The following UNC13C variants were observed in gnomAD, a reference collection of about 807,000 sequenced individuals.
UNC13C encodes the protein protein unc-13 homolog C.
A neutral mutation model predicts 245.4 loss-of-function variants in UNC13C; 174 were observed. That is an observed-to-expected ratio of 0.71 (90% confidence interval 0.63 to 0.80). The LOEUF (loss-of-function observed/expected upper bound fraction) is 0.80. UNC13C is among the 30% of genes least tolerant of loss of function. The pLI is 0.00. For missense variants in UNC13C, 2,829 were observed against 2,602.9 expected, an observed-to-expected ratio of 1.09 and a Z score of -1.89; for synonymous variants, 992 against 895.1, an observed-to-expected ratio of 1.11 and a Z score of -1.93.
intron 4 of UNC13C, among the ~76,000 whole-genome samples, chr15:54,195,530 C>A (rs777289727): frequency 7.2e-5 from 11 of 152,206 alleles, no homozygotes; most frequent in Non-Finnish European, 1.6e-4. Flanking sequence ...GAAGCAGCGC[C>A]TTTTGCACCA....
chr15:54,564,304 A>C (rs752152474), intron 29 of UNC13C, among the ~76,000 whole-genome samples: 4 of 152,020 alleles, frequency 2.6e-5, no homozygotes, highest in Non-Finnish European at 5.9e-5. Context: ...CGGAATAACA[A>C]GTAAAACTCT....
At position 54,620,507 on chromosome 15, in the gene UNC13C, A is replaced by G. The variant is rs115701326; in HGVS notation, c.6107-1820A>G. On this transcript the variant is annotated intron_variant, in intron 30 of 32. Transcript: ENST00000260323. ...CTTTGGGATCTCCCAATCCAGGTTC[A>G]TACTGTATTAGTTACTCGTGCTGCG... 6.8e-3 allele frequency among the ~76,000 whole-genome samples: 1,036 copies of G among 152,278 alleles called. 14 individuals are homozygous for G. The highest frequency in any genetic ancestry group is 0.024 in the African/African-American group (991 of 41,568).
intron 2 of UNC13C, among the ~76,000 whole-genome samples, chr15:54,038,118 A>T (rs866209403): frequency 0.027 from 786 of 28,626 alleles, 6 homozygotes; most frequent in Non-Finnish European, 0.036. Flanking sequence ...ATATATATAT[A>T]TATATATTTT....
At chr15:53,873,854 C>CCT in the UNC13C span, among the ~76,000 whole-genome samples, 25 of 131,410 alleles carry the variant, frequency 1.9e-4, no homozygotes, top group Admixed American at 3.1e-4. Flanking sequence ...AGCATCTATC[C>CCT]CTCTCTCTCT....
chr15:53,882,960 T>C, the UNC13C span, among the ~76,000 whole-genome samples: 11 of 152,208 alleles, frequency 7.2e-5, no homozygotes, highest in African/African-American at 2.4e-4. Flanking sequence ...GGCTTAATAC[T>C]TGGGTGATGA....
chr15:54,405,012 A>G (rs2040263796), intron 18 of UNC13C, among the ~76,000 whole-genome samples: 1 of 152,192 alleles, frequency 6.6e-6, no homozygotes, highest in Non-Finnish European at 1.5e-5. Context: ...TTAGAAATCA[A>G]TGGAATCTAA....
chr15:54,122,156 G>A (rs1236474064), intron 2 of UNC13C, among the ~76,000 whole-genome samples: 1 of 151,554 alleles, frequency 6.6e-6, no homozygotes, highest in African/African-American at 2.4e-5. Flanking sequence ...ATTAGTTAGG[G>A]CTTTGGGGCA....
the UNC13C span, among the ~76,000 whole-genome samples, chr15:53,889,813 C>T: frequency 8.6e-5 from 13 of 152,044 alleles, no homozygotes; most frequent in Non-Finnish European, 1.8e-4. Flanking sequence ...GAGATAATCA[C>T]GTGGTTTTTG....
chr15:53,990,438 C>T (rs948525681), intron 1 of UNC13C, among the ~76,000 whole-genome samples: 5 of 152,006 alleles, frequency 3.3e-5, no homozygotes, highest in Admixed American at 2.0e-4. Flanking sequence ...ATTGGTGATG[C>T]ACCTCTAGCT....
At chr15:53,856,140 C>T in the UNC13C span, among the ~76,000 whole-genome samples, 2 of 151,978 alleles carry the variant, frequency 1.3e-5, no homozygotes, top group African/African-American at 4.8e-5. Flanking sequence ...GTGATATACA[C>T]TTTATCATTT....
chr15:54,590,739 C>G (rs1452337015), intron 30 of UNC13C, among the ~76,000 whole-genome samples: 1 of 152,156 alleles, frequency 6.6e-6, no homozygotes, highest in Admixed American at 6.5e-5. Context: ...CATCAGCAAA[C>G]AAGGACAGGT....
intron 1 of UNC13C, among the ~76,000 whole-genome samples, chr15:53,985,996 G>C (rs995511657): frequency 1.3e-5 from 2 of 151,984 alleles, no homozygotes; most frequent in Non-Finnish European, 2.9e-5. Context: ...GGTCCTGCTT[G>C]ATGGCATCTA....
chr15:53,888,284 T>C, the UNC13C span, among the ~76,000 whole-genome samples: 1 of 152,248 alleles, frequency 6.6e-6, no homozygotes, highest in Admixed American at 6.5e-5. Context: ...TTGTTTTGAT[T>C]TGCATTTCTC....
chr15:54,341,916 C>T (rs1166622507), intron 17 of UNC13C, among the ~76,000 whole-genome samples: 2 of 150,396 alleles, frequency 1.3e-5, no homozygotes, highest in Non-Finnish European at 2.9e-5. Flanking sequence ...GCGGAGCTTG[C>T]AGTGAGCCGA....
the UNC13C span, among the ~76,000 whole-genome samples, chr15:53,850,564 T>C: frequency 6.6e-6 from 1 of 152,190 alleles, no homozygotes; most frequent in African/African-American, 2.4e-5. Context: ...TCATTCCTTG[T>C]TGCACTGAAA....
intron 30 of UNC13C, among the ~76,000 whole-genome samples, chr15:54,605,760 G>C (rs1052608864): frequency 6.6e-6 from 1 of 152,196 alleles, no homozygotes; most frequent in Non-Finnish European, 1.5e-5. Context: ...AAGACAGCAG[G>C]ATCTGGTCAA....
chr15:54,119,771 A>G (rs781555157), intron 2 of UNC13C, among the ~76,000 whole-genome samples: 65 of 152,336 alleles, frequency 4.3e-4, no homozygotes, highest in African/African-American at 1.3e-3. Context: ...GAATACACAA[A>G]TGATAAAAAA....
chr15:54,431,696 A>G (rs746414752), intron 19 of UNC13C, among the ~76,000 whole-genome samples: 2 of 151,672 alleles, frequency 1.3e-5, no homozygotes, highest in Admixed American at 6.6e-5. Context: ...AAACTTCTGT[A>G]TAAATTGGAA....
In UNC13C at chr15:54,264,229, A is replaced by G. The variant is rs1465407542; in HGVS notation, c.3510A>G (p.Ala1170=). 1.3e-6 allele frequency: 2 copies of G among 1,596,150 alleles called. No individual in the cohort carries two copies. The highest frequency in any genetic ancestry group is 1.7e-6 in the Non-Finnish European group (2 of 1,170,708). The change falls in exon 9 of 33, where the codon GCA becomes GCG. Residue 1170 remains alanine, a synonymous_variant. Transcript: ENST00000260323. ...AEDKTQTIIT[A]MKERMKIREK... is the part of the protein sequence containing the mutation. ...ACAAGACTCAGACCATTATTACAGC[A>G]ATGAAAGAAAGAATGAAGATCAGGG...
Sources: allele counts gnomAD v4.1 joint callset (sites outside exome capture counted in the v4.1 genomes callset), GRCh38; gene constraint gnomAD v4.1.1; transcripts MANE v1.5; gene names NCBI Gene and HGNC (gene_info 2026-07-23, HGNC 2026-07-21).